Variants in ZIM3 observed in about 807,000 individuals in gnomAD.
ZIM3 encodes zinc finger protein 657.
Under a neutral mutation model 12.9 loss-of-function variants are expected in ZIM3, and 11 were observed. The observed-to-expected ratio is 0.85, with a 90% confidence interval of 0.54 to 1.41. The LOEUF is 1.41. ZIM3 is among the 40% of genes most tolerant of loss of function. The probability of loss-of-function intolerance (pLI) is 0.00; values close to 1 mark genes in which losing one functional copy is unlikely to be tolerated. For synonymous variants in ZIM3, 205 were observed against 198.5 expected (o/e 1.03, Z -0.28); for missense variants, 604 against 557.2 (o/e 1.08, Z -0.85).
rs200666945 is a variant in ZIM3, at chr19:57,135,709, G to T, written c.628C>A (p.Leu210Ile). 88 of 1,613,644 alleles carry T rather than the reference G, an allele frequency of 5.5e-5. No individual in the cohort carries two copies. The highest frequency in any genetic ancestry group is 4.2e-6 in the Non-Finnish European group (5 of 1,180,012). Residue 210 changes from leucine to isoleucine, a missense_variant, in exon 5 of 5, where the codon CTT becomes ATT. Transcript: ENST00000269834. ...GCGTGAGTTTTCTGATGTTTATCAA[G>T]CTTCCACTTCTCCCCGAATGCTCTT... ...CGRAFGEKWK[L>I]DKHQKTHAEE...
rs989297022 is a variant in ZIM3 at position 57,144,721 on chromosome 19, T to G, written c.-43+138A>C. The G allele has an allele frequency of 8.5e-5, 13 of 152,188 alleles. No homozygotes were observed. The East Asian group carries it at 2.5e-3, about 29-fold the overall frequency. 9.4% of individuals were successfully genotyped at this position (152,188 alleles called of 1,614,324 possible). A position where few individuals can be genotyped will look rare whatever the true frequency, so the allele number is the denominator to read the frequency against. On this transcript the variant is annotated intron_variant, in intron 1 of 4. Coordinates refer to ENST00000269834, the MANE Select transcript of ZIM3 (RefSeq NM_052882.1). ...CAATATGACAACTAAAAAAAAAATC[T>G]AAACTACCAATGTAAAATATTTAGC... is the stretch of plus-strand genomic sequence containing the variant.
chr19:57,142,737 TG>T (rs2086919131), intron 1 of ZIM3, 52 bp from the exon 2 acceptor site: 20 of 1,426,424 alleles, frequency 1.4e-5, no homozygotes, highest in Non-Finnish European at 2.0e-5. Flanking sequence ...CTTTGGAAGT[TG>T]GGGATCATCC....
intron 3 of ZIM3, among the ~76,000 whole-genome samples, chr19:57,137,748 C>G (rs1038787147): frequency 6.8e-6 from 1 of 147,224 alleles, no homozygotes; most frequent in Non-Finnish European, 1.5e-5. Flanking sequence ...ATGATTGCAC[C>G]ACTGCACTCC....
intron 1 of ZIM3, 46 bp downstream of exon 1, chr19:57,144,813 A>AAAC (rs2086930348): frequency 6.6e-6 from 1 of 151,982 alleles, no homozygotes; most frequent in African/African-American, 2.4e-5. Flanking sequence ...ACAAACAAAC[A>AAAC]AAACCCAGAC....
chr19:57,144,504 AAT>A (rs996968536), intron 1 of ZIM3, among the ~76,000 whole-genome samples: 12 of 152,242 alleles, frequency 7.9e-5, no homozygotes, highest in South Asian at 2.1e-4. Context: ...TCACCACAAA[AAT>A]AGATTAATTA....
chr19:57,139,838 C>T (rs1368222047), intron 2 of ZIM3, among the ~76,000 whole-genome samples: 3 of 152,264 alleles, frequency 2.0e-5, no homozygotes, highest in Admixed American at 1.3e-4. Context: ...CTGGATGGTG[C>T]GCTCCCCTAA....
At position 57,135,220 on chromosome 19, in the gene ZIM3, T is replaced by A. The variant is rs913266233; in HGVS notation, c.1117A>T (p.Ile373Phe). The part of the protein sequence containing the change: ...YECDLCGNTF[I>F]QKKNLIQHKK... The stretch of plus-strand genomic sequence containing the variant: ...TGTTGAATGAGGTTTTTCTTCTGGA[T>A]AAAGGTATTTCCACATAGATCACAC... The change falls in exon 5 of 5, where the codon ATC becomes TTC. Residue 373 changes from isoleucine (I) to phenylalanine (F), a missense_variant. Physicochemically the swap from Ile to Phe is conservative, Grantham distance 21. Transcript: ENST00000269834. The A allele has an allele frequency of 5.6e-6, 9 of 1,613,730 alleles. No individual in the cohort carries two copies. In the African/African-American group the frequency reaches 1.2e-4, roughly 22 times the overall value.
chr19:57,139,375 T>C (rs866853141), intron 2 of ZIM3, among the ~76,000 whole-genome samples: 6 of 151,830 alleles, frequency 4.0e-5, no homozygotes, highest in Non-Finnish European at 4.4e-5. Flanking sequence ...AATGTTATTA[T>C]ATTTTTTTTC....
rs753760442 is a variant in ZIM3 at position 57,143,193 on chromosome 19, T to C, written c.-42-508A>G. 2.6e-4 allele frequency among the ~76,000 whole-genome samples: 40 copies of C among 151,714 alleles called. 2 individuals carry two copies. Among genetic ancestry groups the C allele is most frequent in the Non-Finnish European group, 7.4e-5 (5 of 67,966 alleles). ...ATACAAAAACAAAATTAGCCAGGCG[T>C]GGTGGCGGGCGCCTGTAGTCCCAGC... is the stretch of plus-strand genomic sequence containing the variant. On this transcript the variant is annotated intron_variant, in intron 1 of 4. Coordinates refer to ENST00000269834, the MANE Select transcript of ZIM3 (RefSeq NM_052882.1).
chr19:57,134,658 G>A lies in ZIM3; in HGVS notation c.*260C>T, dbSNP rs2086876709. The stretch of plus-strand genomic sequence containing the variant: ...ATTCACTGGAATAAAACTCCATCAG[G>A]GTTTTAGCACATTTGGTTTATTGCT... On this transcript the variant is annotated 3_prime_UTR_variant, in exon 5 of 5. Transcript: ENST00000269834. The A allele has an allele frequency of 4.9e-6, 2 of 411,422 alleles. No homozygotes were observed. The highest frequency in any genetic ancestry group is 2.0e-5 in the African/African-American group (1 of 49,892). The allele number at this position is 411,422 out of a possible 1,614,324, so 25.5% of individuals were successfully genotyped here. A position where few individuals can be genotyped will look rare whatever the true frequency, so the allele number is the denominator to read the frequency against.
chr19:57,144,003 GC>G (rs1471293112), intron 1 of ZIM3, among the ~76,000 whole-genome samples: 2 of 152,022 alleles, frequency 1.3e-5, no homozygotes, highest in Non-Finnish European at 2.9e-5. Flanking sequence ...ACCAGCCTGT[GC>G]AACATAGTGA....
Position 57,134,883 on chromosome 19 carries a change from A to C in ZIM3, c.*35T>G, listed in dbSNP as rs376144021. ...TCTGGGGTGACAATTCCAGGCAACC[A>C]TATCTTCCCATGTTTTTTTAAGTGC... On this transcript the variant is annotated 3_prime_UTR_variant, in exon 5 of 5. Transcript: ENST00000269834. 1 of 1,558,054 alleles carries C rather than the reference A, an allele frequency of 6.4e-7. No homozygotes were observed. The highest frequency in any genetic ancestry group is 8.7e-7 in the Non-Finnish European group (1 of 1,154,700).
At chr19:57,138,269 C>A (rs1339548623) in intron 3 of ZIM3, among the ~76,000 whole-genome samples, 2 of 152,192 alleles carry the variant, frequency 1.3e-5, no homozygotes, top group African/African-American at 4.8e-5. Context: ...ACTCATTCTC[C>A]CGGCACTTGC....
chr19:57,143,194 G>A (rs568224425), intron 1 of ZIM3, among the ~76,000 whole-genome samples: 96 of 152,164 alleles, frequency 6.3e-4, no homozygotes, highest in African/African-American at 2.1e-3. Flanking sequence ...AGCCAGGCGT[G>A]GTGGCGGGCG....
At chr19:57,136,467 A>C (rs2086887237) in intron 4 of ZIM3, among the ~76,000 whole-genome samples, 1 of 151,940 alleles carries the variant, frequency 6.6e-6, no homozygotes, top group Admixed American at 6.6e-5. Flanking sequence ...GTTCAAGACC[A>C]GCCTGACCAA....
chr19:57,142,596 A>G (rs1189994984), intron 2 of ZIM3, 33 bp downstream of exon 2: 1 of 1,611,818 alleles, frequency 6.2e-7, no homozygotes, highest in Non-Finnish European at 8.5e-7. Flanking sequence ...ACGTTTATTC[A>G]TTATGAGATT....
intron 4 of ZIM3, among the ~76,000 whole-genome samples, chr19:57,136,567 G>T (rs1050917207): frequency 6.6e-6 from 1 of 151,806 alleles, no homozygotes; most frequent in Non-Finnish European, 1.5e-5. Flanking sequence ...GGGAGGCTGA[G>T]GCAGGAGAAT....
intron 2 of ZIM3, among the ~76,000 whole-genome samples, chr19:57,142,133 G>A (rs10418166): frequency 0.024 from 3,283 of 139,468 alleles, 148 homozygotes; most frequent in African/African-American, 0.082. Context: ...TGGTGTTTCC[G>A]TAACCAAGCT....
At chr19:57,136,727 G>T in intron 4 of ZIM3, 146 bp downstream of exon 4, 1 of 568,222 alleles carries the variant, frequency 1.8e-6, no homozygotes, top group Non-Finnish European at 3.1e-6. Flanking sequence ...AGAATGTAAA[G>T]AAATTTCTGA....
Sources: allele counts gnomAD v4.1 joint callset (sites outside exome capture counted in the v4.1 genomes callset), GRCh38; gene constraint gnomAD v4.1.1; transcripts MANE v1.5; gene names NCBI Gene and HGNC (gene_info 2026-07-23, HGNC 2026-07-21).